CNTNAP2: variants seen among roughly 807,000 people sequenced by gnomAD.
CNTNAP2 encodes the protein contactin associated protein 2.
A neutral mutation model predicts 155.2 loss-of-function variants in CNTNAP2; 98 were observed. That is an observed-to-expected ratio of 0.63 (90% confidence interval 0.54 to 0.75). The LOEUF is 0.75. Ranked by LOEUF, CNTNAP2 falls within the 30% of genes least tolerant of loss-of-function variation. The pLI is 0.00. For synonymous variants in CNTNAP2, 651 were observed against 631.2 expected, an observed-to-expected ratio of 1.03 and a Z score of -0.47; for missense variants, 1,727 against 1,688.1, an observed-to-expected ratio of 1.02 and a Z score of -0.40.
At chr7:148,198,163 G>A (rs1007174352) in intron 18 of CNTNAP2, among the ~76,000 whole-genome samples, 1 of 152,176 alleles carries the variant, frequency 6.6e-6, no homozygotes, top group African/African-American at 2.4e-5. Flanking sequence ...TAGCGAGCAA[G>A]GAGGCTGCCT....
chr7:146,940,527 G>T (rs1417028666), intron 3 of CNTNAP2, among the ~76,000 whole-genome samples: 2 of 152,028 alleles, frequency 1.3e-5, no homozygotes, highest in Non-Finnish European at 2.9e-5. Flanking sequence ...AAGGTGGAGT[G>T]TGGAAGGTCT....
chr7:147,924,381 C>T (rs573259441), intron 14 of CNTNAP2, among the ~76,000 whole-genome samples: 4 of 152,026 alleles, frequency 2.6e-5, no homozygotes, highest in African/African-American at 9.7e-5. Flanking sequence ...TCAGGTGATT[C>T]GCCTGCCTTG....
At chr7:148,149,031 A>G (rs941338175) in intron 17 of CNTNAP2, among the ~76,000 whole-genome samples, 2 of 129,818 alleles carry the variant, frequency 1.5e-5, no homozygotes, top group African/African-American at 5.7e-5. Flanking sequence ...CACTTCATCA[A>G]CATGTGTGGC....
intron 14 of CNTNAP2, among the ~76,000 whole-genome samples, chr7:147,971,668 A>G (rs1198685665): frequency 1.3e-5 from 2 of 152,158 alleles, no homozygotes; most frequent in East Asian, 1.9e-4. Flanking sequence ...CATTGTATGT[A>G]TTACCATACT....
At chr7:147,147,047 T>C (rs1801719121) in intron 8 of CNTNAP2, among the ~76,000 whole-genome samples, 2 of 152,196 alleles carry the variant, frequency 1.3e-5, no homozygotes, top group African/African-American at 4.8e-5. Flanking sequence ...AGAGGTTTAA[T>C]TGACTCACAG....
At chr7:147,290,939 A>C (rs368749902) in intron 8 of CNTNAP2, among the ~76,000 whole-genome samples, 1 of 152,140 alleles carries the variant, frequency 6.6e-6, no homozygotes, top group Non-Finnish European at 1.5e-5. Context: ...AATAATAAGG[A>C]CCAACTGTTC....
At chr7:146,677,186 A>AG (rs2129169183) in intron 1 of CNTNAP2, among the ~76,000 whole-genome samples, 1 of 152,288 alleles carries the variant, frequency 6.6e-6, no homozygotes, top group Non-Finnish European at 1.5e-5. Flanking sequence ...TGGAACTGGA[A>AG]GTGGGGGAAG....
intron 1 of CNTNAP2, among the ~76,000 whole-genome samples, chr7:146,513,835 G>GA (rs1797502943): frequency 6.6e-6 from 1 of 151,726 alleles, no homozygotes; most frequent in Admixed American, 6.6e-5. Flanking sequence ...CTTTTAAACT[G>GA]AAAAATTCAT....
At chr7:148,143,065 A>G (rs1198051021) in intron 16 of CNTNAP2, among the ~76,000 whole-genome samples, 1 of 152,228 alleles carries the variant, frequency 6.6e-6, no homozygotes, top group Non-Finnish European at 1.5e-5. Flanking sequence ...ATCTAAAATT[A>G]CCATTAAGAC....
chr7:146,623,376 A>G (rs1231329493), intron 1 of CNTNAP2, among the ~76,000 whole-genome samples: 1 of 152,144 alleles, frequency 6.6e-6, no homozygotes, highest in African/African-American at 2.4e-5. Context: ...CCATTATGGT[A>G]TCATATAGAA....
At chr7:146,836,904 T>TA (rs1030414702) in intron 2 of CNTNAP2, among the ~76,000 whole-genome samples, 13 of 152,258 alleles carry the variant, frequency 8.5e-5, no homozygotes, top group South Asian at 2.1e-4. Flanking sequence ...GCTTTTTTTT[T>TA]ATCTTTCCTT....
chr7:146,882,080 C>G (rs1397245941), intron 3 of CNTNAP2, among the ~76,000 whole-genome samples: 3 of 151,974 alleles, frequency 2.0e-5, no homozygotes, highest in African/African-American at 7.2e-5. Context: ...TTTTCTGTTC[C>G]CGCATTAATT....
At chr7:146,601,021 C>T (rs1798942224) in intron 1 of CNTNAP2, among the ~76,000 whole-genome samples, 2 of 152,124 alleles carry the variant, frequency 1.3e-5, no homozygotes, top group Middle Eastern at 3.4e-3. Flanking sequence ...TAAAAATTAC[C>T]AACAAAAGGC....
At chr7:146,492,151 A>T (rs1397347124) in intron 1 of CNTNAP2, among the ~76,000 whole-genome samples, 1 of 151,832 alleles carries the variant, frequency 6.6e-6, no homozygotes, top group Admixed American at 6.6e-5. Context: ...CCTTGTGCAC[A>T]CAATGGTGCA....
At chr7:147,304,321 A>T (rs1584858960) in intron 9 of CNTNAP2, among the ~76,000 whole-genome samples, 1 of 152,196 alleles carries the variant, frequency 6.6e-6, no homozygotes, top group East Asian at 1.9e-4. Context: ...TCCAACTAGA[A>T]TTTTTTTAGA....
Position 147,465,424 on chromosome 7 carries a change from G to T in CNTNAP2, c.1671-20511G>T, listed in dbSNP as rs556460990. Among the ~76,000 whole-genome samples the T allele has an allele frequency of 7.0e-4, 107 of 152,252 alleles. 1 individual carries two copies. Among genetic ancestry groups the T allele is most frequent in the African/African-American group, 2.4e-3 (100 of 41,524 alleles). ...GCTGAAGATTTTATGCGCATAAATT[G>T]TGTTCTCATAGGGAGATTTGACTTC... On this transcript the variant is annotated intron_variant, in intron 10 of 23. Transcript: ENST00000361727.
In CNTNAP2 at chr7:147,300,088, T is replaced by C. The variant is rs1245322895; in HGVS notation, c.1349-53T>C. 6.3e-6 allele frequency: 10 copies of C among 1,578,154 alleles called. No homozygotes were observed. In the East Asian group the frequency reaches 1.8e-4, roughly 28 times the overall value. Reference sequence around the variant, plus strand: ...CGTGATTTGTTGATTTTGGAAATTGTGTTCAGCTGGGTAATTTTAAGATAA... The same window carrying C: ...CGTGATTTGTTGATTTTGGAAATTGCGTTCAGCTGGGTAATTTTAAGATAA... On this transcript the variant is annotated intron_variant, in intron 8 of 23. Coordinates refer to ENST00000361727, the MANE Select transcript of CNTNAP2 (RefSeq NM_014141.6).
intron 2 of CNTNAP2, among the ~76,000 whole-genome samples, chr7:146,811,614 T>C (rs1803068054): frequency 6.6e-6 from 1 of 152,156 alleles, no homozygotes; most frequent in Non-Finnish European, 1.5e-5. Flanking sequence ...AGGCTTTTCT[T>C]TATTTCTAGT....
chr7:147,529,478 A>G (rs566186585), intron 11 of CNTNAP2, among the ~76,000 whole-genome samples: 2 of 152,258 alleles, frequency 1.3e-5, no homozygotes, highest in South Asian at 2.1e-4. Flanking sequence ...AGGCTACAAC[A>G]TAACACTGTG....
Sources: gnomAD v4.1 joint callset for allele counts (sites outside exome capture counted in the v4.1 genomes callset) on GRCh38, gnomAD v4.1.1 for gene constraint, MANE v1.5 for transcripts, NCBI Gene and HGNC (gene_info 2026-07-23, HGNC 2026-07-21) for gene names.